The following CSMD1 variants were observed in gnomAD, a reference collection of about 807,000 sequenced individuals.
The protein encoded by CSMD1 is CUB and Sushi multiple domains 1, also known as CUB and sushi domain-containing protein 1.
A neutral mutation model predicts 417.5 loss-of-function variants in CSMD1; 213 were observed. The observed-to-expected ratio is 0.51, with a 90% confidence interval of 0.46 to 0.57. CSMD1 has a LOEUF of 0.57. CSMD1 is among the 20% of genes least tolerant of loss of function. CSMD1 has a pLI of 0.00. For missense variants in CSMD1, 6,923 were observed against 4,529.7 expected, an observed-to-expected ratio of 1.53 and a Z score of -15.17; for synonymous variants, 2,862 against 1,736.8, an observed-to-expected ratio of 1.65 and a Z score of -16.11.
intron 25 of CSMD1, among the ~76,000 whole-genome samples, chr8:3,290,970 A>T (rs539358943): frequency 6.6e-6 from 1 of 152,242 alleles, no homozygotes; most frequent in African/African-American, 2.4e-5. Context: ...TTTGTCATAG[A>T]TAGCTCTTAT....
chr8:4,647,792 G>C (rs1803631902), intron 1 of CSMD1, among the ~76,000 whole-genome samples: 1 of 152,152 alleles, frequency 6.6e-6, no homozygotes, highest in African/African-American at 2.4e-5. Context: ...GTATGTACTG[G>C]ATTTTCTTTT....
intron 4 of CSMD1, among the ~76,000 whole-genome samples, chr8:4,021,305 T>C (rs572721247): frequency 6.6e-6 from 1 of 152,318 alleles, no homozygotes; most frequent in South Asian, 2.1e-4. Flanking sequence ...AAGTATGAGG[T>C]TGACAAAATC....
At chr8:4,272,612 G>C (rs1804677297) in intron 3 of CSMD1, among the ~76,000 whole-genome samples, 2 of 152,118 alleles carry the variant, frequency 1.3e-5, no homozygotes, top group Admixed American at 1.3e-4. Flanking sequence ...TTATGTGCCT[G>C]TTTTTGTTGA....
chr8:3,920,473 T>C (rs928111311), intron 5 of CSMD1, among the ~76,000 whole-genome samples: 53 of 152,128 alleles, frequency 3.5e-4, no homozygotes, highest in African/African-American at 1.2e-3. Flanking sequence ...CCTTTTATTC[T>C]TTTACTTTCC....
chr8:4,594,021 C>T (rs1327997753), intron 2 of CSMD1, among the ~76,000 whole-genome samples: 1 of 151,992 alleles, frequency 6.6e-6, no homozygotes, highest in Non-Finnish European at 1.5e-5. Context: ...TGTTGGGAAT[C>T]TCTGGTGCTC....
At chr8:3,772,167 C>T (rs963190697) in intron 5 of CSMD1, among the ~76,000 whole-genome samples, 5 of 44,872 alleles carry the variant, frequency 1.1e-4, no homozygotes, top group African/African-American at 2.2e-4. Flanking sequence ...GAAAGGGCAA[C>T]ATATATATAT....
chr8:4,801,405 G>A (rs914120934), intron 1 of CSMD1, among the ~76,000 whole-genome samples: 2 of 152,024 alleles, frequency 1.3e-5, no homozygotes, highest in Admixed American at 6.6e-5. Flanking sequence ...CCCTCTCCCC[G>A]TGGGTTCTAT....
intron 3 of CSMD1, among the ~76,000 whole-genome samples, chr8:4,380,679 C>G (rs952848800): frequency 1.7e-4 from 26 of 152,146 alleles, no homozygotes; most frequent in Admixed American, 1.6e-3. Flanking sequence ...ATGGACCATA[C>G]TAACATAAGA....
intron 5 of CSMD1, among the ~76,000 whole-genome samples, chr8:3,793,297 T>A (rs1192216844): frequency 6.6e-6 from 1 of 152,238 alleles, no homozygotes; most frequent in African/African-American, 2.4e-5. Flanking sequence ...TTCCTATTTT[T>A]AGAATTTCCA....
chr8:3,388,894 C>A (rs1353595218), intron 17 of CSMD1, among the ~76,000 whole-genome samples: 2 of 87,028 alleles, frequency 2.3e-5, no homozygotes, highest in African/African-American at 4.6e-5. Flanking sequence ...CACACACATG[C>A]ATACACACAC....
At chr8:3,389,576 G>T (rs978146050) in intron 17 of CSMD1, among the ~76,000 whole-genome samples, 1 of 152,152 alleles carries the variant, frequency 6.6e-6, no homozygotes, top group Non-Finnish European at 1.5e-5. Flanking sequence ...AACAGTGTAT[G>T]CACTACGGCA....
At chr8:3,683,596 T>G (rs566624392) in intron 7 of CSMD1, among the ~76,000 whole-genome samples, 1 of 152,140 alleles carries the variant, frequency 6.6e-6, no homozygotes, top group Non-Finnish European at 1.5e-5. Context: ...TTTTTGAATA[T>G]CATTCTTCTG....
intron 6 of CSMD1, among the ~76,000 whole-genome samples, chr8:3,747,046 A>T (rs1383076990): frequency 6.6e-6 from 1 of 152,154 alleles, no homozygotes; most frequent in South Asian, 2.1e-4. Context: ...ACTATCCACC[A>T]CCCCTCAACT....
chr8:4,505,847 A>G (rs1396582248), intron 2 of CSMD1, among the ~76,000 whole-genome samples: 1 of 151,826 alleles, frequency 6.6e-6, no homozygotes, highest in Non-Finnish European at 1.5e-5. Flanking sequence ...GTCACCCACA[A>G]TAGAGTACAG....
intron 50 of CSMD1, 60 bp from the exon 51 acceptor site, chr8:3,029,573 C>T: frequency 6.9e-7 from 1 of 1,453,448 alleles, no homozygotes; most frequent in Non-Finnish European, 9.3e-7. Flanking sequence ...TCAGACCGTG[C>T]TTGCTTTGGA....
chr8:4,065,683 C>T (rs891986154), intron 3 of CSMD1, among the ~76,000 whole-genome samples: 2 of 152,126 alleles, frequency 1.3e-5, no homozygotes, highest in South Asian at 2.1e-4. Flanking sequence ...TCTGGAAGAT[C>T]AAAAGTAGGA....
chr8:3,478,587 T>C (rs928691439), intron 11 of CSMD1, among the ~76,000 whole-genome samples: 1 of 152,010 alleles, frequency 6.6e-6, no homozygotes, highest in Non-Finnish European at 1.5e-5. Flanking sequence ...TTGTGGCCGA[T>C]CACAAACAGA....
chr8:2,980,340 C>T (rs1027522353), intron 54 of CSMD1, among the ~76,000 whole-genome samples: 3 of 151,696 alleles, frequency 2.0e-5, no homozygotes, highest in Non-Finnish European at 4.4e-5. Context: ...CCTCCTCCTC[C>T]TCCATTTCCT....
chr8:4,175,315 T>C (rs62501134), intron 3 of CSMD1, among the ~76,000 whole-genome samples: 13,744 of 152,230 alleles, frequency 0.09, 783 homozygotes, highest in South Asian at 0.21. Context: ...TCTTCCATTG[T>C]TTAGGTTAAA....
Sources: allele counts gnomAD v4.1 joint callset (sites outside exome capture counted in the v4.1 genomes callset), GRCh38; gene constraint gnomAD v4.1.1; transcripts MANE v1.5; gene names NCBI Gene and HGNC (gene_info 2026-07-23, HGNC 2026-07-21).